The following NFATC2 variants were observed in gnomAD, a reference collection of about 807,000 sequenced individuals.
NFATC2 encodes the protein nuclear factor of activated T cells 2.
NFATC2 carries 22 observed loss-of-function variants against 87.3 expected under a neutral mutation model. The ratio of observed to expected loss-of-function variants is 0.25; its 90% confidence interval spans 0.18 to 0.36. The LOEUF is 0.36. Ranked by LOEUF, NFATC2 falls within the 10% of genes least tolerant of loss-of-function variation. NFATC2 has a pLI of 1.00. For missense variants in NFATC2, 1,149 were observed against 1,259.1 expected (o/e 0.91, Z 1.32); for synonymous variants, 565 against 542.2 (o/e 1.04, Z -0.58).
chr20:51,403,441 G>A (rs1568932638), intron 9 of NFATC2, among the ~76,000 whole-genome samples: 1 of 152,146 alleles, frequency 6.6e-6, no homozygotes, highest in East Asian at 1.9e-4. Flanking sequence ...CCCAGAACAG[G>A]CAGACAGAAC....
chr20:51,554,014 CT>C (rs575721231), intron 1 of NFATC2, among the ~76,000 whole-genome samples: 58 of 152,260 alleles, frequency 3.8e-4, no homozygotes, highest in African/African-American at 1.4e-3. Flanking sequence ...TCTTTGCAGA[CT>C]CAAACATCTG....
At chr20:51,394,113 C>G (rs1447575771) in intron 10 of NFATC2, among the ~76,000 whole-genome samples, 1 of 152,142 alleles carries the variant, frequency 6.6e-6, no homozygotes, top group Admixed American at 6.5e-5. Flanking sequence ...TCAACTGCCG[C>G]CCAAACCTCT....
intron 1 of NFATC2, among the ~76,000 whole-genome samples, chr20:51,553,093 C>T (rs923964660): frequency 1.3e-5 from 2 of 151,950 alleles, no homozygotes; most frequent in African/African-American, 2.4e-5. Context: ...AAAAAAAAGG[C>T]AGGCAGATCC....
chr20:51,494,362 GCTC>G (rs764162919), intron 3 of NFATC2, among the ~76,000 whole-genome samples: 8 of 152,136 alleles, frequency 5.3e-5, no homozygotes, highest in South Asian at 4.2e-4. Context: ...TGCTACACCT[GCTC>G]CTCCTATTTC....
chr20:51,526,480 G>A (rs1002741064), intron 1 of NFATC2, among the ~76,000 whole-genome samples: 11 of 152,142 alleles, frequency 7.2e-5, no homozygotes, highest in Admixed American at 2.6e-4. Flanking sequence ...TGTTGGGCCC[G>A]TGTCACTGTG....
At chr20:51,411,946 C>T (rs372542887) in intron 9 of NFATC2, among the ~76,000 whole-genome samples, 1 of 152,106 alleles carries the variant, frequency 6.6e-6, no homozygotes, top group Non-Finnish European at 1.5e-5. Flanking sequence ...CTTTCCAAAG[C>T]AGAGGTCCCA....
At chr20:51,455,710 TGGTGGGTGGGTGGGTGGATGGGTG>T (rs1445618820) in intron 5 of NFATC2, among the ~76,000 whole-genome samples, 1 of 18,346 alleles carries the variant, frequency 5.5e-5, no homozygotes. Flanking sequence ...ACGTACTAGT[TGGTGGGTGGGTGGGTGGATGGGTG>T]GGTGGGTGGG....
rs367887803 is a variant in NFATC2 at position 51,542,626 on chromosome 20, G to T, written c.-127C>A. 3.4e-5 allele frequency: 41 copies of T among 1,205,828 alleles called. 2 individuals carry two copies. Among genetic ancestry groups the T allele is most frequent in the East Asian group, 1.4e-4 (4 of 27,886 alleles). The allele number at this position is 1,205,828 out of a possible 1,614,324, so 74.7% of individuals were successfully genotyped here. ...GGTCCCTTTCCTCGTAGGGACGCAC[G>T]CCGGGTCCGGGGACGGCGCGCCTGG... On this transcript the variant is annotated 5_prime_UTR_variant, in exon 1 of 11. Transcript: ENST00000371564.
At chr20:51,469,395 CAG>C (rs1018101040) in intron 5 of NFATC2, among the ~76,000 whole-genome samples, 2 of 152,094 alleles carry the variant, frequency 1.3e-5, no homozygotes, top group Non-Finnish European at 2.9e-5. Flanking sequence ...GCAGAGGTGA[CAG>C]TGTGCAAAAG....
rs764980438 is a variant in NFATC2 at position 51,432,251 on chromosome 20, C to T, written c.2538G>A (p.Pro846=). The change falls in exon 9 of 11, where the codon CCG becomes CCA. Residue 846 remains proline, a synonymous_variant. Coordinates refer to ENST00000371564, the MANE Select transcript of NFATC2 (RefSeq NM_012340.5). The surrounding 1 kb of genome is among the most constrained non-coding windows in gnomAD (Gnocchi z 4.6). The part of the protein sequence containing the change: ...NFAPGTTRPG[P]PPVSQGQRLS... ...GCCTCTGACCTTGACTGACCGGGGGCGGGCCAGGTCTGGTGGTGCCTGGTG... is the reference window on the plus strand; with the variant it reads ...GCCTCTGACCTTGACTGACCGGGGGTGGGCCAGGTCTGGTGGTGCCTGGTG... 11 of 1,614,144 alleles carry T rather than the reference C, an allele frequency of 6.8e-6. No individual in the cohort carries two copies. The highest frequency in any genetic ancestry group is 2.2e-5 in the East Asian group (1 of 44,874).
At chr20:51,467,072 CAAAAAAA>C (rs35588474) in intron 5 of NFATC2, among the ~76,000 whole-genome samples, 5 of 79,702 alleles carry the variant, frequency 6.3e-5, no homozygotes, top group Admixed American at 4.1e-4. Context: ...GACTTAGTCT[CAAAAAAA>C]AAAAAAAAAA....
intron 9 of NFATC2, among the ~76,000 whole-genome samples, chr20:51,405,125 G>A (rs993419599): frequency 1.3e-5 from 2 of 152,134 alleles, no homozygotes; most frequent in African/African-American, 4.8e-5. Flanking sequence ...CACCTGCTTC[G>A]AGTTGAGCTC....
chr20:51,516,069 T>C (rs1022483156), intron 3 of NFATC2, among the ~76,000 whole-genome samples: 2 of 152,106 alleles, frequency 1.3e-5, no homozygotes, highest in African/African-American at 4.8e-5. Context: ...AACCAGATTA[T>C]ACAATTAAGA....
intron 3 of NFATC2, among the ~76,000 whole-genome samples, chr20:51,497,891 G>A (rs2076015640): frequency 6.6e-6 from 1 of 152,088 alleles, no homozygotes; most frequent in Non-Finnish European, 1.5e-5. Flanking sequence ...TGCAGCCCCC[G>A]GGGGAACTCA....
At chr20:51,547,935 T>G (rs998498372) in intron 1 of NFATC2, among the ~76,000 whole-genome samples, 1 of 152,184 alleles carries the variant, frequency 6.6e-6, no homozygotes, top group African/African-American at 2.4e-5. Context: ...GCCTCCTCCC[T>G]GGACTTGCTA....
chr20:51,454,732 T>G (rs942167292), intron 5 of NFATC2, 44 bp from the exon 6 acceptor site: 2 of 1,605,274 alleles, frequency 1.2e-6, no homozygotes, highest in Non-Finnish European at 1.7e-6. Context: ...AGGGGAGATG[T>G]CTGTTCAAAA....
intron 3 of NFATC2, among the ~76,000 whole-genome samples, chr20:51,491,241 C>T (rs1365997955): frequency 4.0e-5 from 6 of 151,772 alleles, no homozygotes; most frequent in African/African-American, 1.5e-4. Context: ...AGCCATGGCC[C>T]TATCTCTGAG....
At chr20:51,476,071 ACTT>A (rs1178092446) in intron 3 of NFATC2, among the ~76,000 whole-genome samples, 1 of 118,018 alleles carries the variant, frequency 8.5e-6, no homozygotes, top group East Asian at 2.1e-4. Flanking sequence ...AAGAACTGTC[ACTT>A]CTTTTTTTTT....
Position 51,524,163 on chromosome 20 carries a change from C to G in NFATC2, c.131-53G>C. On this transcript the variant is annotated intron_variant, in intron 1 of 10. Transcript: ENST00000371564. This position sits in a 1 kb window ranked among gnomAD's most constrained non-coding sequence, Gnocchi z 4.0. ...TTTTTAAGCCTCAAAAACAGAACTC[C>G]CGGTGCAGAGCAATCACAGGCTGGA... is the stretch of plus-strand genomic sequence containing the variant. The G allele has an allele frequency of 5.0e-6, 7 of 1,397,898 alleles. No individual in the cohort carries two copies. In the South Asian group the frequency reaches 9.1e-5, roughly 18 times the overall value. 86.6% of individuals were successfully genotyped at this position (1,397,898 alleles called of 1,614,324 possible). A position where few individuals can be genotyped will look rare whatever the true frequency, so the allele number is the denominator to read the frequency against.
Sources: gnomAD v4.1 joint callset for allele counts (sites outside exome capture counted in the v4.1 genomes callset) on GRCh38, gnomAD v4.1.1 for gene constraint, Gnocchi (gnomAD v3.1) non-coding constraint, MANE v1.5 for transcripts, NCBI Gene and HGNC (gene_info 2026-07-23, HGNC 2026-07-21) for gene names.